ADAMTSL1: variants seen among roughly 807,000 people sequenced by gnomAD.
ADAMTSL1 encodes the protein ADAMTS like 1.
ADAMTSL1 carries 126 observed loss-of-function variants against 201.8 expected under a neutral mutation model. The observed-to-expected ratio is 0.62, with a 90% CI of 0.54 to 0.72. ADAMTSL1 has a LOEUF of 0.72. Ranked by LOEUF, ADAMTSL1 falls within the 30% of genes least tolerant of loss-of-function variation. The pLI is 0.00. For missense variants in ADAMTSL1, 2,679 were observed against 2,277.8 expected, an observed-to-expected ratio of 1.18 and a Z score of -3.59; for synonymous variants, 1,121 against 903.4, an observed-to-expected ratio of 1.24 and a Z score of -4.32.
Position 18,276,221 on chromosome 9 carries a change from G to A in ADAMTSL1, c.207+112240G>A, listed in dbSNP as rs565458661. Among the ~76,000 whole-genome samples, 23 of 151,744 alleles carry A rather than the reference G, an allele frequency of 1.5e-4. No homozygotes were observed. In the South Asian group the frequency reaches 4.2e-3, roughly 28 times the overall value. On this transcript the variant is annotated intron_variant, in intron 2 of 29. Coordinates refer to the ADAMTSL1 transcript ENST00000680146. The stretch of plus-strand genomic sequence containing the variant: ...TTGTCTTTTTATTATTAAGTTGAAC[G>A]GCTTCATTAAATATTTTAGAAAAGA...
chr9:18,613,912 G>A (rs1330693615), intron 4 of ADAMTSL1, among the ~76,000 whole-genome samples: 1 of 152,154 alleles, frequency 6.6e-6, no homozygotes, highest in Non-Finnish European at 1.5e-5. Context: ...TATTATGACT[G>A]AGGAGAAATA....
intron 2 of ADAMTSL1, among the ~76,000 whole-genome samples, chr9:18,433,420 A>G (rs1272366973): frequency 6.6e-6 from 1 of 152,142 alleles, no homozygotes; most frequent in East Asian, 1.9e-4. Flanking sequence ...CTATAATATA[A>G]ATTATTGGAA....
At chr9:18,379,545 C>G (rs1049821815) in intron 2 of ADAMTSL1, among the ~76,000 whole-genome samples, 6 of 152,102 alleles carry the variant, frequency 3.9e-5, no homozygotes, top group Admixed American at 2.6e-4. Context: ...AGATCTGTAA[C>G]TAAATTTGTT....
intron 8 of ADAMTSL1, among the ~76,000 whole-genome samples, chr9:18,660,439 C>T (rs1035942422): frequency 6.6e-6 from 1 of 152,116 alleles, no homozygotes; most frequent in Non-Finnish European, 1.5e-5. Flanking sequence ...TTCATTTTTG[C>T]TCTAACTCTT....
chr9:18,625,423 A>T (rs904058136), intron 5 of ADAMTSL1, among the ~76,000 whole-genome samples: 4 of 152,174 alleles, frequency 2.6e-5, no homozygotes, highest in Non-Finnish European at 5.9e-5. Flanking sequence ...GATTTTTAAA[A>T]AATCATCTTT....
intron 15 of ADAMTSL1, among the ~76,000 whole-genome samples, chr9:18,743,599 A>G (rs1818966655): frequency 1.3e-5 from 2 of 152,070 alleles, no homozygotes; most frequent in South Asian, 2.1e-4. Context: ...GGCTCTCACT[A>G]TTTTTACGGA....
At chr9:18,756,122 T>TATATATATATATATAC (rs1491270780) in intron 16 of ADAMTSL1, among the ~76,000 whole-genome samples, 1 of 85,844 alleles carries the variant, frequency 1.2e-5, no homozygotes, top group Non-Finnish European at 2.4e-5. Context: ...TATATATATA[T>TATATATATATATATAC]ACAAAAATTA....
chr9:18,036,753 C>A (rs78211042), intron 1 of ADAMTSL1, among the ~76,000 whole-genome samples: 1 of 152,160 alleles, frequency 6.6e-6, no homozygotes, highest in South Asian at 2.1e-4. Context: ...GATTCTCCTG[C>A]TTTCAGTATA....
At chr9:18,664,324 AC>A (rs1829296743) in intron 9 of ADAMTSL1, among the ~76,000 whole-genome samples, 1 of 152,016 alleles carries the variant, frequency 6.6e-6, no homozygotes, top group Non-Finnish European at 1.5e-5. Flanking sequence ...GATAGAATAG[AC>A]TCCAGAAAAT....
intron 1 of ADAMTSL1, among the ~76,000 whole-genome samples, chr9:18,144,487 C>T (rs1034759346): frequency 3.3e-5 from 5 of 152,004 alleles, no homozygotes; most frequent in Non-Finnish European, 7.4e-5. Context: ...ATTACAGGCA[C>T]GAGCCACCAC....
At chr9:18,543,606 A>G (rs897811751) in intron 3 of ADAMTSL1, among the ~76,000 whole-genome samples, 1 of 152,250 alleles carries the variant, frequency 6.6e-6, no homozygotes, top group African/African-American at 2.4e-5. Flanking sequence ...CTGAACATTC[A>G]GAGTAATGGT....
At chr9:18,012,983 AC>A (rs1563948586) in intron 1 of ADAMTSL1, among the ~76,000 whole-genome samples, 3 of 140,046 alleles carry the variant, frequency 2.1e-5, no homozygotes, top group Non-Finnish European at 4.7e-5. Flanking sequence ...CCCACCATTT[AC>A]TTACCAGCAT....
intron 1 of ADAMTSL1, among the ~76,000 whole-genome samples, chr9:18,030,170 G>A (rs575698143): frequency 1.8e-4 from 27 of 152,212 alleles, no homozygotes; most frequent in South Asian, 6.2e-4. Context: ...ATGATAGACC[G>A]GATTAAGAAA....
At chr9:17,970,634 C>T (rs1248094737) in intron 1 of ADAMTSL1, among the ~76,000 whole-genome samples, 2 of 152,024 alleles carry the variant, frequency 1.3e-5, no homozygotes, top group Non-Finnish European at 2.9e-5. Context: ...CTTCTTTATT[C>T]TACATGTTCC....
At chr9:18,358,600 C>T (rs1289405010) in intron 2 of ADAMTSL1, among the ~76,000 whole-genome samples, 1 of 152,148 alleles carries the variant, frequency 6.6e-6, no homozygotes. Context: ...CCATTCTAGA[C>T]ATATTATATA....
At chr9:18,624,483 T>C (rs1277100442) in intron 5 of ADAMTSL1, among the ~76,000 whole-genome samples, 1 of 152,222 alleles carries the variant, frequency 6.6e-6, no homozygotes, top group Non-Finnish European at 1.5e-5. Context: ...TGTAACTGAA[T>C]CAGTGTTCAT....
intron 2 of ADAMTSL1, among the ~76,000 whole-genome samples, chr9:18,257,219 GT>G (rs899512898): frequency 7.2e-5 from 11 of 152,182 alleles, no homozygotes; most frequent in African/African-American, 1.7e-4. Flanking sequence ...TCATAAAAAT[GT>G]TTTTTAAAAA....
intron 23 of ADAMTSL1, among the ~76,000 whole-genome samples, chr9:18,875,506 C>T (rs1041053077): frequency 5.3e-5 from 8 of 151,976 alleles, no homozygotes; most frequent in Non-Finnish European, 7.4e-5. Context: ...ATTTCATTGT[C>T]GACACAACAG....
At chr9:18,481,636 T>C (rs1172799330) in intron 1 of ADAMTSL1, among the ~76,000 whole-genome samples, 1 of 152,204 alleles carries the variant, frequency 6.6e-6, no homozygotes, top group Admixed American at 6.5e-5. Flanking sequence ...AGACGCTGTT[T>C]GTTTAATCCT....
Sources: gnomAD v4.1 joint callset for allele counts (sites outside exome capture counted in the v4.1 genomes callset) on GRCh38, gnomAD v4.1.1 for gene constraint, MANE v1.5 for transcripts, NCBI Gene and HGNC (gene_info 2026-07-23, HGNC 2026-07-21) for gene names.